Variants in RYR2 observed in about 807,000 individuals in gnomAD.
The protein encoded by RYR2 is cardiac muscle ryanodine receptor-calcium release channel.
A neutral mutation model predicts 601.1 loss-of-function variants in RYR2; 227 were observed. The ratio of observed to expected loss-of-function variants is 0.38; its 90% CI spans 0.34 to 0.42. The LOEUF is 0.42. Among genes scored for constraint, RYR2 ranks in the 10% least tolerant of loss-of-function variants. The pLI is 1.00. For missense variants in RYR2, 4,646 were observed against 6,156.5 expected (o/e 0.75, Z 8.21); for synonymous variants, 2,223 against 2,175.1 (o/e 1.02, Z -0.61).
intron 12 of RYR2, among the ~76,000 whole-genome samples, chr1:237,431,515 G>T (rs1487979246): frequency 6.6e-6 from 1 of 151,972 alleles, no homozygotes; most frequent in Non-Finnish European, 1.5e-5. Flanking sequence ...TTCTTTAATA[G>T]AATTTGGCAA....
intron 1 of RYR2, among the ~76,000 whole-genome samples, chr1:237,064,712 AGTTTTTTGTTTTT>A (rs71178380): frequency 0.78 from 110,592 of 142,254 alleles, 43,503 homozygotes; most frequent in East Asian, 0.98. Flanking sequence ...GAATACCTGC[AGTTTTTTGTTTTT>A]GTTTTTTGTT....
intron 10 of RYR2, among the ~76,000 whole-genome samples, chr1:237,390,281 G>A (rs935513243): frequency 1.3e-4 from 19 of 151,720 alleles, no homozygotes; most frequent in African/African-American, 3.2e-4. Flanking sequence ...GTAGAGCTTC[G>A]TGGTTAAGGT....
chr1:237,416,588 TTAAA>T (rs1236914609), intron 10 of RYR2, among the ~76,000 whole-genome samples: 33 of 152,320 alleles, frequency 2.2e-4, no homozygotes, highest in African/African-American at 6.5e-4. Flanking sequence ...TTAAAATGCT[TTAAA>T]TAATCTAAAA....
intron 102 of RYR2, among the ~76,000 whole-genome samples, chr1:237,829,291 A>C (rs1462475109): frequency 6.6e-6 from 1 of 152,216 alleles, no homozygotes; most frequent in Non-Finnish European, 1.5e-5. Flanking sequence ...GAACAGGGAC[A>C]GGGAAGTGGG....
At chr1:237,318,351 G>C (rs182253135) in intron 2 of RYR2, among the ~76,000 whole-genome samples, 1 of 151,832 alleles carries the variant, frequency 6.6e-6, no homozygotes, top group East Asian at 1.9e-4. Flanking sequence ...CTATTTAACT[G>C]TTTCTTTATA....
chr1:237,507,854 G>C (rs1572644735), intron 23 of RYR2, among the ~76,000 whole-genome samples: 1 of 152,228 alleles, frequency 6.6e-6, no homozygotes, highest in Admixed American at 6.5e-5. Context: ...TCACTGTAAG[G>C]CTTGCTGAAG....
Position 237,456,845 on chromosome 1 carries a change from G to A in RYR2, c.1612+110G>A, listed in dbSNP as rs569388484. 620 of 1,245,490 alleles carry A rather than the reference G, an allele frequency of 5.0e-4. 1 individual carries two copies. Among genetic ancestry groups the A allele is most frequent in the Middle Eastern group, 3.4e-3 (17 of 4,932 alleles). 77.2% of individuals were successfully genotyped at this position (1,245,490 alleles called of 1,614,324 possible). On this transcript the variant is annotated intron_variant, in intron 16 of 104. Transcript: ENST00000366574. ...TAATTCCAGCAATTTGGGAGGCTGA[G>A]GTGGGAGGATCATTTGAGGCCAGGA...
chr1:237,712,424 A>G (rs995146830), intron 71 of RYR2, among the ~76,000 whole-genome samples: 2 of 152,130 alleles, frequency 1.3e-5, no homozygotes, highest in East Asian at 3.9e-4. Context: ...CCCCAAACCA[A>G]GGAAGCCATT....
intron 1 of RYR2, among the ~76,000 whole-genome samples, chr1:237,242,628 C>T (rs1330077123): frequency 2.0e-5 from 3 of 152,066 alleles, no homozygotes; most frequent in Non-Finnish European, 4.4e-5. Context: ...GACATTTTCA[C>T]GTTACTATGC....
At position 237,614,140 on chromosome 1, in the gene RYR2, G is replaced by A. The variant is rs777091366; in HGVS notation, c.5012G>A (p.Arg1671Gln). The A allele has an allele frequency of 8.7e-6, 14 of 1,613,870 alleles. No homozygotes were observed. Among genetic ancestry groups the A allele is most frequent in the South Asian group, 7.7e-5 (7 of 91,088 alleles). Reference sequence around the variant, plus strand: ...GCCGTCTGTGCTCTTGGGAACCACCGGGTGGCCCATGCCCTGTGCAGCCAT... The same window carrying A: ...GCCGTCTGTGCTCTTGGGAACCACCAGGTGGCCCATGCCCTGTGCAGCCAT... ...YSAVCALGNH[R>Q]VAHALCSHVD... The change falls in exon 37 of 105, where the codon CGG (arginine) becomes CAG (glutamine). Residue 1671 changes from arginine to glutamine, a missense_variant. Physicochemically the swap from Arg to Gln is conservative, Grantham distance 43. Transcript: ENST00000366574. The surrounding 1 kb of genome is among the most constrained non-coding windows in gnomAD (Gnocchi z 4.3).
In RYR2 at chr1:237,454,433, C is replaced by T. The variant is rs573201028; in HGVS notation, c.1335C>T (p.Val445=). The stretch of plus-strand genomic sequence containing the variant: ...GCAAGAAAGCGAAGGCTTCCACAGT[C>T]GATTTGCCTATAGAGTCCGTAAGCC... ...ALSKKAKAST[V]DLPIESVSLS... is the part of the protein sequence containing the mutation. Residue 445 remains valine (V), a synonymous_variant, in exon 15 of 105, where the codon GTC becomes GTT. Transcript: ENST00000366574. The T allele has an allele frequency of 1.7e-5, 28 of 1,612,862 alleles. No individual in the cohort carries two copies. Among genetic ancestry groups the T allele is most frequent in the Admixed American group, 3.3e-5 (2 of 59,852 alleles).
chr1:237,506,808 T>C lies in RYR2; in HGVS notation c.2712T>C (p.Tyr904=), dbSNP rs758586059. 3.2e-5 allele frequency: 51 copies of C among 1,611,378 alleles called. No individual in the cohort carries two copies. Among genetic ancestry groups the C allele is most frequent in the Non-Finnish European group, 4.2e-5 (50 of 1,177,640 alleles). ...VMNKIELGWQ[Y]GPVRDDNKRQ... ...ATAAAATTGAGCTTGGCTGGCAGTA[T>C]GGTCCGGTATGTAATTTTGAAATTT... The change falls in exon 23 of 105, where the codon TAT becomes TAC. Residue 904 remains tyrosine, a synonymous_variant. Coordinates refer to ENST00000366574, the MANE Select transcript of RYR2 (RefSeq NM_001035.3).
intron 2 of RYR2, among the ~76,000 whole-genome samples, chr1:237,306,968 T>C (rs1165132751): frequency 1.3e-5 from 2 of 152,216 alleles, no homozygotes; most frequent in Non-Finnish European, 2.9e-5. Context: ...ATTTTAACTC[T>C]TACGGGTACG....
At chr1:237,801,710 C>T in intron 97 of RYR2, 146 bp from the exon 98 acceptor site, 1 of 493,748 alleles carries the variant, frequency 2.0e-6, no homozygotes, top group Non-Finnish European at 3.7e-6. Context: ...CTCTCAGCTC[C>T]TCCCTTGGCA....
At chr1:237,541,632 T>A (rs1285704659) in intron 25 of RYR2, among the ~76,000 whole-genome samples, 1 of 152,170 alleles carries the variant, frequency 6.6e-6, no homozygotes, top group Admixed American at 6.5e-5. Flanking sequence ...GCATTAAAGC[T>A]TTTAATCACC....
At chr1:237,591,997 A>G (rs1675256686) in intron 32 of RYR2, 144 bp downstream of exon 32, 9 of 651,188 alleles carry the variant, frequency 1.4e-5, no homozygotes, top group Non-Finnish European at 2.0e-5. Flanking sequence ...TTGGGGACTG[A>G]AAGTTTGAAA....
intron 74 of RYR2, among the ~76,000 whole-genome samples, chr1:237,726,014 T>C (rs1438739523): frequency 6.6e-6 from 1 of 152,062 alleles, no homozygotes; most frequent in Non-Finnish European, 1.5e-5. Flanking sequence ...TTTATTTCAC[T>C]TGACACAAGC....
At chr1:237,832,135 C>T (rs1336136896) in intron 104 of RYR2, among the ~76,000 whole-genome samples, 2 of 152,022 alleles carry the variant, frequency 1.3e-5, no homozygotes, top group Non-Finnish European at 2.9e-5. Context: ...ACTTCCTGGG[C>T]TCAATAAATC....
chr1:237,220,826 C>G (rs16835011), intron 1 of RYR2, among the ~76,000 whole-genome samples: 5,408 of 152,206 alleles, frequency 0.036, 295 homozygotes, highest in East Asian at 0.23. Flanking sequence ...AGTCTACCTG[C>G]CTCTTTCATT....
Sources: allele counts gnomAD v4.1 joint callset (sites outside exome capture counted in the v4.1 genomes callset), GRCh38; gene constraint gnomAD v4.1.1; non-coding constraint Gnocchi (gnomAD v3.1); transcripts MANE v1.5; gene names NCBI Gene and HGNC (gene_info 2026-07-23, HGNC 2026-07-21).